Variants in EPG5 observed in about 807,000 individuals in gnomAD.
The protein encoded by EPG5 is ectopic P-granules 5 autophagy tethering factor.
EPG5 carries 159 observed loss-of-function variants against 302.7 expected under a neutral mutation model. That is an observed-to-expected ratio of 0.53 (90% CI 0.46 to 0.60). The LOEUF is 0.60. EPG5 is among the 20% of genes least tolerant of loss of function. EPG5 has a pLI of 0.00. For missense variants in EPG5, 2,896 were observed against 3,092.4 expected (o/e 0.94, Z 1.51); for synonymous variants, 1,158 against 1,136.8 (o/e 1.02, Z -0.37).
At chr18:45,829,224 GAGGCA>G in the EPG5 span, 1 of 904,712 alleles carries the variant, frequency 1.1e-6, no homozygotes, top group Non-Finnish European at 1.3e-6. Flanking sequence ...GCCTGCGGCA[GAGGCA>G]TGGGTTAAAG....
At position 45,849,044 on chromosome 18, in the gene EPG5, A is replaced by G. The variant is rs2048391342; in HGVS notation, c.*3423T>C. ...GGTTGCAGTGAGCCGAGACCATGCCATTGCACTCCAGCCTGGGTGACAGAT... is the reference window on the plus strand; with the variant it reads ...GGTTGCAGTGAGCCGAGACCATGCCGTTGCACTCCAGCCTGGGTGACAGAT... On this transcript the variant is annotated 3_prime_UTR_variant, in exon 44 of 44. Transcript: ENST00000282041. 1 of 140,906 alleles carries G rather than the reference A, an allele frequency of 7.1e-6. No homozygotes were observed. Among genetic ancestry groups the G allele is most frequent in the Non-Finnish European group, 1.5e-5 (1 of 66,536 alleles). The allele number at this position is 140,906 out of a possible 1,614,324, so 8.7% of individuals were successfully genotyped here. A position where few individuals can be genotyped will look rare whatever the true frequency, so the allele number is the denominator to read the frequency against.
At chr18:45,843,212 G>T (rs75404461), downstream of EPG5, 642 of 152,404 alleles carry the variant, frequency 4.2e-3, no homozygotes, top group Non-Finnish European at 7.4e-3. Context: ...CTCTCAGGGC[G>T]TGCGAAGTCC....
chr18:45,915,952 G>C, intron 19 of EPG5, 57 bp downstream of exon 19: 2 of 1,460,838 alleles, frequency 1.4e-6, no homozygotes, highest in Non-Finnish European at 1.8e-6. Flanking sequence ...AATCTTTTTA[G>C]AAAGCTACTT....
chr18:45,829,266 T>C, the EPG5 span: 5 of 581,240 alleles, frequency 8.6e-6, no homozygotes, highest in South Asian at 7.4e-5. Context: ...CTGAAGCAGA[T>C]AGAGACCAGC....
chr18:45,929,974 T>C (rs1266954041), intron 12 of EPG5, among the ~76,000 whole-genome samples: 3 of 152,244 alleles, frequency 2.0e-5, no homozygotes, highest in Admixed American at 6.5e-5. Flanking sequence ...GGAGGAGATA[T>C]TTTGTATGCA....
chr18:45,870,552 G>A lies in EPG5; in HGVS notation c.6225+15C>T. On this transcript the variant is annotated intron_variant, in intron 36 of 43. Coordinates refer to ENST00000282041, the MANE Select transcript of EPG5 (RefSeq NM_020964.3). Reference sequence around the variant, plus strand: ...AGATCTCTCTAGGCTGCGATGCCGGGAATGAAGGGCTTACTTTGAAGAAGG... The same window carrying A: ...AGATCTCTCTAGGCTGCGATGCCGGAAATGAAGGGCTTACTTTGAAGAAGG... 6.2e-7 allele frequency: 1 copy of A among 1,609,734 alleles called. No homozygotes were observed. Among genetic ancestry groups the A allele is most frequent in the Non-Finnish European group, 8.5e-7 (1 of 1,176,790 alleles).
At chr18:45,943,651 G>A (rs893631581) in intron 8 of EPG5, among the ~76,000 whole-genome samples, 1 of 152,172 alleles carries the variant, frequency 6.6e-6, no homozygotes, top group African/African-American at 2.4e-5. Flanking sequence ...GCCAGGCACG[G>A]TGGCTCACGC....
chr18:45,916,405 G>A (rs768706064), intron 18 of EPG5, 33 bp downstream of exon 18: 11 of 1,595,728 alleles, frequency 6.9e-6, no homozygotes, highest in Admixed American at 3.4e-5. Context: ...GAAGACAGGC[G>A]GGAGTGTGCT....
chr18:45,942,231 AAAG>A (rs1395750797), intron 9 of EPG5, among the ~76,000 whole-genome samples: 2 of 152,068 alleles, frequency 1.3e-5, no homozygotes, highest in African/African-American at 4.8e-5. Flanking sequence ...TCTCAAAAAA[AAAG>A]AAGGGACCCC....
At chr18:45,810,526 A>G in the EPG5 span, among the ~76,000 whole-genome samples, 1 of 152,184 alleles carries the variant, frequency 6.6e-6, no homozygotes, top group Non-Finnish European at 1.5e-5. Context: ...CGGGCTCAGT[A>G]GCTCATGCTT....
At chr18:45,861,366 A>C (rs773261856) in intron 39 of EPG5, among the ~76,000 whole-genome samples, 1 of 152,220 alleles carries the variant, frequency 6.6e-6, no homozygotes, top group Non-Finnish European at 1.5e-5. Context: ...TTTAAATTTT[A>C]TCTCTTAATT....
chr18:45,866,756 T>C lies in EPG5; in HGVS notation c.6621+42A>G, dbSNP rs780944407. On this transcript the variant is annotated intron_variant, in intron 38 of 43. Coordinates refer to ENST00000282041, the MANE Select transcript of EPG5 (RefSeq NM_020964.3). Reference sequence around the variant, plus strand: ...TGTAGCACTTATGCTGCTACCAATCTCCAGGAACAGTCTCTGCCTTTTAAA... The same window carrying C: ...TGTAGCACTTATGCTGCTACCAATCCCCAGGAACAGTCTCTGCCTTTTAAA... The C allele has an allele frequency of 4.0e-6, 6 of 1,498,846 alleles. No individual in the cohort carries two copies. The African/African-American group carries it at 8.3e-5, about 21-fold the overall frequency. 92.8% of individuals were successfully genotyped at this position (1,498,846 alleles called of 1,614,324 possible). A position where few individuals can be genotyped will look rare whatever the true frequency, so the allele number is the denominator to read the frequency against.
At chr18:45,942,118 G>A (rs9958844) in intron 9 of EPG5, among the ~76,000 whole-genome samples, 29,163 of 151,976 alleles carry the variant, frequency 0.19, 4,430 homozygotes, top group African/African-American at 0.39. Context: ...CCAGCTATTC[G>A]GGAGGCTGAG....
At chr18:45,951,564 T>G (rs1236999684) in intron 3 of EPG5, among the ~76,000 whole-genome samples, 1 of 152,106 alleles carries the variant, frequency 6.6e-6, no homozygotes, top group Non-Finnish European at 1.5e-5. Context: ...GTTCATGCCA[T>G]TCTCCTGCCT....
At chr18:45,926,889 T>C (rs1228905366) in intron 13 of EPG5, among the ~76,000 whole-genome samples, 1 of 151,602 alleles carries the variant, frequency 6.6e-6, no homozygotes, top group Non-Finnish European at 1.5e-5. Flanking sequence ...GAAAGAATCA[T>C]ATGATCCACT....
At chr18:45,873,651 A>G (rs527692281) in intron 35 of EPG5, among the ~76,000 whole-genome samples, 1 of 152,364 alleles carries the variant, frequency 6.6e-6, no homozygotes, top group South Asian at 2.1e-4. Flanking sequence ...ATTGAGTACT[A>G]CTAGGATTTC....
In EPG5 at chr18:45,877,263, T is replaced by A. The variant is rs1157768838; in HGVS notation, c.5943-921A>T. 3.5e-4 allele frequency among the ~76,000 whole-genome samples: 46 copies of A among 130,972 alleles called. 1 individual carries two copies. The South Asian group carries it at 0.011, about 31-fold the overall frequency. 85.9% of individuals were successfully genotyped at this position (130,972 alleles called of 152,430 possible). On this transcript the variant is annotated intron_variant, in intron 34 of 43. Coordinates refer to ENST00000282041, the MANE Select transcript of EPG5 (RefSeq NM_020964.3). ...AATACAAAAAAAATAAAAATTAAAA[T>A]TGAAAAATAGCTGGACGTGGTAGCA...
chr18:45,859,893 T>C (rs181711845), intron 40 of EPG5, among the ~76,000 whole-genome samples: 25 of 152,370 alleles, frequency 1.6e-4, no homozygotes, highest in African/African-American at 5.8e-4. Context: ...AATGTGATTG[T>C]ACCAACAGAC....
chr18:45,871,005 AT>A (rs1202313327), intron 35 of EPG5, among the ~76,000 whole-genome samples: 2 of 152,154 alleles, frequency 1.3e-5, no homozygotes, highest in Non-Finnish European at 2.9e-5. Context: ...TTCTAAACGT[AT>A]GGCTTTTTAA....
Sources: gnomAD v4.1 joint callset for allele counts (sites outside exome capture counted in the v4.1 genomes callset) on GRCh38, gnomAD v4.1.1 for gene constraint, MANE v1.5 for transcripts, NCBI Gene and HGNC (gene_info 2026-07-23, HGNC 2026-07-21) for gene names.